The following DNER variants were observed in gnomAD, a reference collection of about 807,000 sequenced individuals.
DNER encodes delta and Notch-like epidermal growth factor-related receptor.
Under a neutral mutation model 78.2 loss-of-function variants are expected in DNER, and 33 were observed. The observed-to-expected ratio is 0.42, with a 90% CI of 0.32 to 0.56. The LOEUF (loss-of-function observed/expected upper bound fraction) is 0.56, where lower values mean the gene tolerates loss of function less well. Ranked by LOEUF, DNER falls within the 20% of genes least tolerant of loss-of-function variation. The probability of loss-of-function intolerance (pLI) is 0.11; values close to 1 mark genes in which losing one functional copy is unlikely to be tolerated. For missense variants in DNER, 918 were observed against 975.3 expected, an observed-to-expected ratio of 0.94 and a Z score of 0.78; for synonymous variants, 417 against 384.8, an observed-to-expected ratio of 1.08 and a Z score of -0.98.
intron 6 of DNER, among the ~76,000 whole-genome samples, chr2:229,488,574 C>T (rs1695328209): frequency 6.6e-6 from 1 of 152,242 alleles, no homozygotes; most frequent in African/African-American, 2.4e-5. Flanking sequence ...CTCAGAGGAG[C>T]TAAGTAAAGT....
At position 229,546,321 on chromosome 2, in the gene DNER, C is replaced by T. The variant is rs191769536; in HGVS notation, c.993+626G>A. On this transcript the variant is annotated intron_variant, in intron 5 of 12. Coordinates refer to ENST00000341772, the MANE Select transcript of DNER (RefSeq NM_139072.4). ...CCTGATGTCTCTAAATACTCATGTC[C>T]TATGTCCAACCACCATTCAGTTTTA... Among the ~76,000 whole-genome samples, 14 of 152,300 alleles carry T rather than the reference C, an allele frequency of 9.2e-5. No individual in the cohort carries two copies. In the East Asian group the frequency reaches 2.7e-3, roughly 29 times the overall value.
intron 9 of DNER, among the ~76,000 whole-genome samples, 164 bp from the exon 10 acceptor site, chr2:229,407,509 T>C (rs990146177): frequency 6.6e-6 from 1 of 152,222 alleles, no homozygotes; most frequent in African/African-American, 2.4e-5. Flanking sequence ...TTTTAGATTG[T>C]TGTAAAAACT....
chr2:229,475,364 A>C (rs1695010422), intron 7 of DNER, among the ~76,000 whole-genome samples: 1 of 151,958 alleles, frequency 6.6e-6, no homozygotes, highest in African/African-American at 2.4e-5. Flanking sequence ...TGTCACCATG[A>C]TTCTTCTCAT....
chr2:229,548,920 TA>T (rs1696676913), intron 4 of DNER, among the ~76,000 whole-genome samples: 1 of 152,084 alleles, frequency 6.6e-6, no homozygotes, highest in Non-Finnish European at 1.5e-5. Flanking sequence ...ATAGCTACCA[TA>T]AAAAAAGACA....
rs1447204640 is a variant in DNER at position 229,591,181 on chromosome 2, G to T, written c.585+399C>A. ...AAGAATGGACCAATACTGTGTGTTG[G>T]TTATAAGCAACCCAGTTTGTGGCAT... On this transcript the variant is annotated intron_variant, in intron 2 of 12. Transcript: ENST00000341772. The surrounding 1 kb of genome is among the most constrained non-coding windows in gnomAD (Gnocchi z 4.6). 6.6e-6 allele frequency among the ~76,000 whole-genome samples: 1 copy of T among 152,152 alleles called. No homozygotes were observed. The highest frequency in any genetic ancestry group is 2.4e-5 in the African/African-American group (1 of 41,434).
intron 11 of DNER, among the ~76,000 whole-genome samples, chr2:229,373,793 T>C (rs1417028554): frequency 3.3e-5 from 5 of 152,142 alleles, no homozygotes; most frequent in Admixed American, 2.6e-4. Context: ...TTTGCAGCAA[T>C]ATGGATGCAG....
intron 1 of DNER, among the ~76,000 whole-genome samples, chr2:229,656,807 T>G (rs1013619153): frequency 2.0e-5 from 3 of 152,240 alleles, no homozygotes; most frequent in African/African-American, 7.2e-5. Context: ...TTCATTTACT[T>G]TCTGAAAAAC....
chr2:229,364,540 C>G (rs971608184), intron 12 of DNER, among the ~76,000 whole-genome samples: 2 of 152,124 alleles, frequency 1.3e-5, no homozygotes, highest in African/African-American at 2.4e-5. Context: ...AGCAGCCATG[C>G]AGGGTCCAAG....
At chr2:229,410,968 T>C (rs1430171036) in intron 9 of DNER, among the ~76,000 whole-genome samples, 3 of 152,306 alleles carry the variant, frequency 2.0e-5, no homozygotes, top group Non-Finnish European at 2.9e-5. Flanking sequence ...TCTTTATAGA[T>C]CTCAACATTT....
intron 8 of DNER, among the ~76,000 whole-genome samples, chr2:229,432,458 AG>A (rs1276829756): frequency 5.3e-5 from 8 of 152,228 alleles, no homozygotes; most frequent in Non-Finnish European, 1.2e-4. Context: ...CTTTTACACA[AG>A]TATGCATACT....
chr2:229,586,717 C>T (rs1697509808), intron 3 of DNER: 1 of 985,266 alleles, frequency 1.0e-6, no homozygotes, highest in Admixed American at 6.2e-5. Flanking sequence ...TCTCCTTCTC[C>T]ACCTTGGAAA....
intron 1 of DNER, among the ~76,000 whole-genome samples, chr2:229,690,598 C>T (rs1384424696): frequency 3.3e-5 from 5 of 152,168 alleles, no homozygotes; most frequent in African/African-American, 9.7e-5. Flanking sequence ...TGGGACTACT[C>T]ATTCATTCAC....
intron 4 of DNER, among the ~76,000 whole-genome samples, chr2:229,585,312 A>G (rs1697476550): frequency 6.6e-6 from 1 of 152,222 alleles, no homozygotes; most frequent in African/African-American, 2.4e-5. Flanking sequence ...CCAGGGCTGG[A>G]ACACAGTCGC....
intron 5 of DNER, among the ~76,000 whole-genome samples, chr2:229,516,253 A>T (rs921592277): frequency 6.6e-5 from 10 of 152,230 alleles, no homozygotes; most frequent in African/African-American, 2.4e-4. Context: ...AATATTAAAA[A>T]GTTTGTTTTG....
intron 1 of DNER, among the ~76,000 whole-genome samples, chr2:229,595,084 GT>G (rs1291106605): frequency 1.3e-5 from 2 of 151,352 alleles, no homozygotes; most frequent in East Asian, 3.9e-4. Flanking sequence ...AAAGCACCTA[GT>G]CCTACCTGCT....
At chr2:229,544,671 T>G (rs1696584940) in intron 5 of DNER, among the ~76,000 whole-genome samples, 1 of 151,990 alleles carries the variant, frequency 6.6e-6, no homozygotes, top group Non-Finnish European at 1.5e-5. Flanking sequence ...TAGCTGGGAT[T>G]ACAGGTGCCC....
At chr2:229,586,751 C>T (rs1235844913) in intron 3 of DNER, 16 of 985,852 alleles carry the variant, frequency 1.6e-5, no homozygotes, top group Non-Finnish European at 1.8e-5. Context: ...CACATATTAC[C>T]TCTTCCCAGA....
intron 11 of DNER, among the ~76,000 whole-genome samples, chr2:229,387,509 G>GAA (rs1553602522): frequency 6.6e-5 from 5 of 76,128 alleles, no homozygotes; most frequent in African/African-American, 9.2e-5. Context: ...GAAAGAAAGA[G>GAA]AGAAAGAAAG....
At chr2:229,652,030 G>A (rs1482846142) in intron 1 of DNER, among the ~76,000 whole-genome samples, 1 of 152,090 alleles carries the variant, frequency 6.6e-6, no homozygotes, top group Non-Finnish European at 1.5e-5. Flanking sequence ...GCTATTACTG[G>A]TCATTACTGT....
Sources: allele counts gnomAD v4.1 joint callset (sites outside exome capture counted in the v4.1 genomes callset), GRCh38; gene constraint gnomAD v4.1.1; non-coding constraint Gnocchi (gnomAD v3.1); transcripts MANE v1.5; gene names NCBI Gene and HGNC (gene_info 2026-07-23, HGNC 2026-07-21).